The following DLG2 variants were observed in gnomAD, a reference collection of about 807,000 sequenced individuals.
DLG2 encodes the protein discs large MAGUK scaffold protein 2.
Under a neutral mutation model 132.5 loss-of-function variants are expected in DLG2, and 45 were observed. The observed-to-expected ratio is 0.34, with a 90% CI of 0.27 to 0.44. DLG2 has a LOEUF of 0.44. Among genes scored for constraint, DLG2 ranks in the 20% least tolerant of loss-of-function variants. The probability of loss-of-function intolerance (pLI) is 1.00; values close to 1 mark genes in which losing one functional copy is unlikely to be tolerated. For synonymous variants in DLG2, 424 were observed against 419.6 expected, an observed-to-expected ratio of 1.01 and a Z score of -0.13; for missense variants, 1,045 against 1,196.9, an observed-to-expected ratio of 0.87 and a Z score of 1.87.
At chr11:85,103,900 G>A (rs2071280410) in intron 6 of DLG2, among the ~76,000 whole-genome samples, 1 of 151,734 alleles carries the variant, frequency 6.6e-6, no homozygotes, top group South Asian at 2.1e-4. Flanking sequence ...TTAAAAATCG[G>A]TATAGGATCT....
At chr11:85,141,955 T>G (rs1044992086) in intron 5 of DLG2, among the ~76,000 whole-genome samples, 4 of 151,964 alleles carry the variant, frequency 2.6e-5, no homozygotes, top group African/African-American at 9.7e-5. Context: ...TTGGATACTA[T>G]AGCTCTGTAG....
intron 6 of DLG2, among the ~76,000 whole-genome samples, chr11:85,109,708 T>A (rs901981752): frequency 1.3e-5 from 2 of 152,158 alleles, no homozygotes; most frequent in Non-Finnish European, 2.9e-5. Flanking sequence ...TTGATTTACA[T>A]AGGATTACTG....
intron 6 of DLG2, among the ~76,000 whole-genome samples, chr11:85,024,058 C>G (rs905119673): frequency 2.0e-5 from 3 of 152,086 alleles, no homozygotes; most frequent in African/African-American, 7.2e-5. Flanking sequence ...ATACACTGTT[C>G]TAAGATTCTG....
chr11:84,109,740 T>C (rs1206507220), intron 9 of DLG2, among the ~76,000 whole-genome samples: 1 of 152,194 alleles, frequency 6.6e-6, no homozygotes, highest in Non-Finnish European at 1.5e-5. Flanking sequence ...CATCAAATCT[T>C]CTACTCCTAA....
intron 4 of DLG2, among the ~76,000 whole-genome samples, chr11:85,168,685 T>C (rs74522940): frequency 0.057 from 8,618 of 152,242 alleles, 292 homozygotes; most frequent in Middle Eastern, 0.17. Context: ...GATTTTTAAA[T>C]GTATTCAAAA....
intron 3 of DLG2, among the ~76,000 whole-genome samples, chr11:85,474,362 C>G (rs186195486): frequency 2.6e-5 from 4 of 152,004 alleles, no homozygotes; most frequent in Admixed American, 1.3e-4. Context: ...CATATAGACT[C>G]AAAATCCACA....
At chr11:84,366,358 C>G (rs1263085021) in intron 7 of DLG2, among the ~76,000 whole-genome samples, 1 of 151,926 alleles carries the variant, frequency 6.6e-6, no homozygotes, top group East Asian at 1.9e-4. Flanking sequence ...GCTGCAAAAT[C>G]ATGCCAAAAT....
chr11:83,677,526 A>C (rs546080913), intron 18 of DLG2, among the ~76,000 whole-genome samples: 1 of 152,214 alleles, frequency 6.6e-6, no homozygotes, highest in South Asian at 2.1e-4. Flanking sequence ...ATAGCTAAGG[A>C]AAGCAAAGTT....
intron 9 of DLG2, among the ~76,000 whole-genome samples, chr11:84,102,232 T>C (rs2092588839): frequency 6.6e-6 from 1 of 152,170 alleles, no homozygotes; most frequent in Non-Finnish European, 1.5e-5. Flanking sequence ...TATTTTGTAG[T>C]TGTCTGTTTC....
At chr11:85,442,289 G>A (rs1414019215) in intron 3 of DLG2, among the ~76,000 whole-genome samples, 1 of 152,188 alleles carries the variant, frequency 6.6e-6, no homozygotes, top group African/African-American at 2.4e-5. Context: ...GTAGAATTAG[G>A]AAGGCCAGTA....
chr11:84,221,510 G>A (rs2096916172), intron 8 of DLG2, among the ~76,000 whole-genome samples: 1 of 151,998 alleles, frequency 6.6e-6, no homozygotes, highest in Admixed American at 6.6e-5. Context: ...CTCAATTAAT[G>A]CTATCTATGT....
chr11:84,937,133 C>T (rs1262561242), intron 6 of DLG2, among the ~76,000 whole-genome samples: 2 of 152,120 alleles, frequency 1.3e-5, no homozygotes, highest in African/African-American at 4.8e-5. Flanking sequence ...GTCTGGGCAA[C>T]AGAGCTAAAC....
intron 6 of DLG2, among the ~76,000 whole-genome samples, chr11:84,854,256 T>G (rs1044308858): frequency 2.0e-5 from 3 of 151,964 alleles, no homozygotes; most frequent in African/African-American, 7.2e-5. Flanking sequence ...TTGCCCAATA[T>G]AAACCTGCCT....
At chr11:84,804,459 G>A (rs151078656) in intron 6 of DLG2, among the ~76,000 whole-genome samples, 187 of 152,204 alleles carry the variant, frequency 1.2e-3, no homozygotes, top group African/African-American at 4.2e-3. Context: ...AAACCCCTGG[G>A]CATTATATAT....
intron 15 of DLG2, among the ~76,000 whole-genome samples, chr11:83,887,306 G>A (rs1349436042): frequency 1.3e-5 from 2 of 151,956 alleles, no homozygotes; most frequent in Non-Finnish European, 2.9e-5. Flanking sequence ...TACCATCAGA[G>A]AATACTACAA....
chr11:85,098,873 T>C (rs576027740), intron 6 of DLG2, among the ~76,000 whole-genome samples: 1 of 152,338 alleles, frequency 6.6e-6, no homozygotes, highest in Admixed American at 6.5e-5. Context: ...TATTCAAATG[T>C]TTGTACATAT....
At chr11:84,971,687 G>C (rs997545807) in intron 6 of DLG2, among the ~76,000 whole-genome samples, 2 of 151,718 alleles carry the variant, frequency 1.3e-5, no homozygotes, top group African/African-American at 2.4e-5. Context: ...AGTTTAAAAG[G>C]GTAATTCTTT....
At chr11:83,912,679 G>T (rs2076269422) in intron 15 of DLG2, among the ~76,000 whole-genome samples, 1 of 152,026 alleles carries the variant, frequency 6.6e-6, no homozygotes, top group Admixed American at 6.6e-5. Context: ...CCAATCTCAG[G>T]AAGGATTCCT....
chr11:83,987,423 A>G (rs1262739182), intron 11 of DLG2, among the ~76,000 whole-genome samples: 1 of 152,220 alleles, frequency 6.6e-6, no homozygotes, highest in East Asian at 1.9e-4. Context: ...AGCTGGAGGC[A>G]TCTTGCTACC....
Sources: gnomAD v4.1 joint callset for allele counts (sites outside exome capture counted in the v4.1 genomes callset) on GRCh38, gnomAD v4.1.1 for gene constraint, MANE v1.5 for transcripts, NCBI Gene and HGNC (gene_info 2026-07-23, HGNC 2026-07-21) for gene names.